DROSHA: variants seen among roughly 807,000 people sequenced by gnomAD.
DROSHA encodes ribonuclease 3.
In DROSHA, 56 loss-of-function variants were observed where a neutral mutation model predicts 181.9. That is an observed-to-expected ratio of 0.31 (90% CI 0.25 to 0.38). DROSHA has a LOEUF of 0.38. Ranked by LOEUF, DROSHA falls within the 10% of genes least tolerant of loss-of-function variation. DROSHA has a pLI of 1.00. For synonymous variants in DROSHA, 524 were observed against 591.2 expected (o/e 0.89, Z 1.65); for missense variants, 1,218 against 1,743.5 (o/e 0.70, Z 5.37).
intron 8 of DROSHA, among the ~76,000 whole-genome samples, chr5:31,511,772 T>C (rs1042610220): frequency 2.0e-5 from 3 of 151,366 alleles, no homozygotes; most frequent in African/African-American, 4.9e-5. Context: ...TTTTAAAAAA[T>C]CATGACCCTC....
At chr5:31,462,903 G>A (rs1003044980) in intron 20 of DROSHA, among the ~76,000 whole-genome samples, 26 of 152,196 alleles carry the variant, frequency 1.7e-4, no homozygotes, top group African/African-American at 4.3e-4. Flanking sequence ...TCTGGAAGGC[G>A]CCTTCTAGTT....
chr5:31,440,828 C>A (rs1745495390), intron 23 of DROSHA, among the ~76,000 whole-genome samples: 1 of 152,000 alleles, frequency 6.6e-6, no homozygotes, highest in African/African-American at 2.4e-5. Flanking sequence ...TGAGTCTAAA[C>A]CCATCTGGTT....
chr5:31,405,767 C>CTT (rs67380927), intron 34 of DROSHA, 44 bp from the exon 35 acceptor site: 25,364 of 464,204 alleles, frequency 0.055, 1,114 homozygotes, highest in African/African-American at 0.14. Flanking sequence ...TTTCAAGATT[C>CTT]TTTTTTTTTT....
chr5:31,407,574 T>C (rs1740799257), intron 33 of DROSHA, among the ~76,000 whole-genome samples: 1 of 152,130 alleles, frequency 6.6e-6, no homozygotes. Context: ...GTAAAACTAA[T>C]AACTTCATGG....
chr5:31,426,673 T>C (rs545918233), intron 27 of DROSHA, among the ~76,000 whole-genome samples: 3 of 152,074 alleles, frequency 2.0e-5, no homozygotes, highest in Admixed American at 2.0e-4. Context: ...TGATTCCTAG[T>C]GAATGGCACA....
At chr5:31,477,055 G>C (rs559744819) in intron 16 of DROSHA, among the ~76,000 whole-genome samples, 2 of 152,302 alleles carry the variant, frequency 1.3e-5, no homozygotes, top group Admixed American at 1.3e-4. Flanking sequence ...GGTAAGCTAA[G>C]GTTAGCAGGA....
chr5:31,494,044 C>T (rs1451285069), intron 12 of DROSHA, among the ~76,000 whole-genome samples: 2 of 151,462 alleles, frequency 1.3e-5, no homozygotes, highest in Non-Finnish European at 2.9e-5. Flanking sequence ...TCTTGGCTCA[C>T]TACAGACTCT....
intron 27 of DROSHA, among the ~76,000 whole-genome samples, chr5:31,428,654 A>G (rs1488880520): frequency 6.6e-6 from 1 of 152,226 alleles, no homozygotes; most frequent in East Asian, 1.9e-4. Flanking sequence ...TTTTAAAAAA[A>G]CTACCCAAAG....
chr5:31,520,631 C>T (rs1409032708), intron 6 of DROSHA, among the ~76,000 whole-genome samples: 1 of 152,044 alleles, frequency 6.6e-6, no homozygotes, highest in African/African-American at 2.4e-5. Context: ...TAACTGACCC[C>T]GAATCTGTCA....
chr5:31,508,639 C>T lies in DROSHA; in HGVS notation c.1569G>A (p.Trp523Ter). The T allele has an allele frequency of 6.2e-7, 1 of 1,613,872 alleles. No individual in the cohort carries two copies. Among genetic ancestry groups the T allele is most frequent in the Non-Finnish European group, 8.5e-7 (1 of 1,179,842 alleles). Reference protein sequence around the residue: ...AHPDRLHDELWYNDPGQMNDG... With the variant: ...AHPDRLHDEL ...CACGCACCTGGCCTGGATCGTTGTA[C>T]CAAAGTTCATCATGAAGTCGGTCAG... Residue 523 changes from tryptophan to a stop codon, truncating the protein, a stop_gained, in exon 10 of 36, where the codon TGG (tryptophan) becomes TGA (stop). Coordinates refer to ENST00000344624, the MANE Select transcript of DROSHA (RefSeq NM_001382508.1). LOFTEE classifies it high-confidence loss of function.
chr5:31,423,211 T>C (rs942051522), intron 28 of DROSHA: 24 of 231,462 alleles, frequency 1.0e-4, no homozygotes, highest in Admixed American at 4.6e-4. Context: ...CCAAGTATTA[T>C]ACTAACTCTC....
chr5:31,490,856 A>G (rs1253648253), intron 13 of DROSHA, among the ~76,000 whole-genome samples: 3 of 152,220 alleles, frequency 2.0e-5, no homozygotes, highest in African/African-American at 7.2e-5. Context: ...TCTCTAATAC[A>G]AATGATAGGG....
chr5:31,421,461 G>T, intron 29 of DROSHA, 84 bp from the exon 30 acceptor site: 2 of 1,068,352 alleles, frequency 1.9e-6, no homozygotes, highest in South Asian at 1.3e-5. Flanking sequence ...AAAAAGGAAT[G>T]ACTTAAAAAG....
At position 31,529,096 on chromosome 5, in the gene DROSHA, A is replaced by G. The variant is rs1264715600; in HGVS notation, c.-37T>C. 6.2e-7 allele frequency: 1 copy of G among 1,610,048 alleles called. No individual in the cohort carries two copies. The highest frequency in any genetic ancestry group is 1.7e-5 in the Admixed American group (1 of 59,478). On this transcript the variant is annotated 5_prime_UTR_variant, in exon 4 of 36. Transcript: ENST00000344624. ...TGGATATGTCACATCTTCCACAGAG[A>G]ATATAAGCTCTAAAAAACAGAAAGA...
chr5:31,530,644 A>AG (rs1005180989), intron 3 of DROSHA, among the ~76,000 whole-genome samples, 154 bp downstream of exon 3: 1 of 151,610 alleles, frequency 6.6e-6, no homozygotes, highest in African/African-American at 2.4e-5. Flanking sequence ...AAAAAAAAAA[A>AG]AAAAAAATCT....
At chr5:31,524,891 A>C (rs929350619) in intron 5 of DROSHA, among the ~76,000 whole-genome samples, 9 of 152,300 alleles carry the variant, frequency 5.9e-5, no homozygotes, top group African/African-American at 2.2e-4. Context: ...AATGCAACAA[A>C]ATCAGATTAA....
chr5:31,407,819 T>G (rs1366874224), intron 33 of DROSHA, among the ~76,000 whole-genome samples: 1 of 152,214 alleles, frequency 6.6e-6, no homozygotes, highest in Non-Finnish European at 1.5e-5. Context: ...ATCATGCCTT[T>G]GCTATGGAAA....
intron 15 of DROSHA, among the ~76,000 whole-genome samples, chr5:31,484,223 A>C (rs1009818831): frequency 2.0e-5 from 3 of 151,936 alleles, no homozygotes; most frequent in African/African-American, 4.8e-5. Context: ...TACAAAAAAA[A>C]ATTAGCCGGG....
At chr5:31,473,029 C>T (rs1749926204) in intron 16 of DROSHA, among the ~76,000 whole-genome samples, 1 of 152,174 alleles carries the variant, frequency 6.6e-6, no homozygotes, top group South Asian at 2.1e-4. Flanking sequence ...CATGGGCAAC[C>T]ATTTTATATC....
Sources: gnomAD v4.1 joint callset for allele counts (sites outside exome capture counted in the v4.1 genomes callset) on GRCh38, gnomAD v4.1.1 for gene constraint, MANE v1.5 for transcripts, NCBI Gene and HGNC (gene_info 2026-07-23, HGNC 2026-07-21) for gene names.